Variants in PCDHGA11 observed in about 807,000 individuals in gnomAD.
PCDHGA11 encodes the protein protocadherin gamma-A11.
In PCDHGA11, 39 loss-of-function variants were observed where a neutral mutation model predicts 60.4. The observed-to-expected ratio is 0.65, with a 90% CI of 0.50 to 0.84. The LOEUF is 0.84. Among genes scored for constraint, PCDHGA11 ranks in the 40% least tolerant of loss-of-function variants. The pLI, the probability that PCDHGA11 is intolerant of heterozygous loss-of-function variation, is 0.00. For missense variants in PCDHGA11, 1,165 were observed against 1,197.7 expected, an observed-to-expected ratio of 0.97 and a Z score of 0.40; for synonymous variants, 533 against 510.3, an observed-to-expected ratio of 1.04 and a Z score of -0.60.
At chr5:141,445,213 A>C (rs775782586) in intron 1 of PCDHGA11, among the ~76,000 whole-genome samples, 1 of 152,226 alleles carries the variant, frequency 6.6e-6, no homozygotes, top group Non-Finnish European at 1.5e-5. Context: ...TTGAAAAGTA[A>C]GAGGTGCAAA....
chr5:141,432,235 T>C lies in PCDHGA11; in HGVS notation c.2433+8575T>C, dbSNP rs1240828849. 1 of 1,614,102 alleles carries C rather than the reference T, an allele frequency of 6.2e-7. No individual in the cohort carries two copies. The highest frequency in any genetic ancestry group is 8.5e-7 in the Non-Finnish European group (1 of 1,180,050). ...ACGCCCAGATCACTTATTCCCTGGC[T>C]GAGAACACCATCCAAGGGGCAAGCC... On this transcript the variant is annotated intron_variant, in intron 1 of 3. Transcript: ENST00000398587. The surrounding 1 kb of genome is among the most constrained non-coding windows in gnomAD (Gnocchi z 6.0).
chr5:141,473,925 T>C (rs1338065496), intron 1 of PCDHGA11, among the ~76,000 whole-genome samples: 1 of 152,124 alleles, frequency 6.6e-6, no homozygotes, highest in East Asian at 1.9e-4. Context: ...AACTATGAGC[T>C]GGGTGCAGTA....
intron 2 of PCDHGA11, among the ~76,000 whole-genome samples, chr5:141,500,259 A>G (rs1595658540): frequency 6.6e-6 from 1 of 151,044 alleles, no homozygotes; most frequent in East Asian, 2.0e-4. Context: ...CCCAGGCTGG[A>G]CTGCAGTGGC....
chr5:141,472,335 A>T (rs1033984936), intron 1 of PCDHGA11, among the ~76,000 whole-genome samples: 38 of 151,784 alleles, frequency 2.5e-4, no homozygotes, highest in Non-Finnish European at 2.5e-4. Context: ...AGGTTGGGAG[A>T]TCGAGACCAT....
intron 1 of PCDHGA11, chr5:141,428,021 C>T: frequency 1.2e-6 from 2 of 1,605,604 alleles, no homozygotes; most frequent in Non-Finnish European, 1.7e-6. Context: ...TGCCACGCGC[C>T]GCAGAGTCCG....
At position 141,432,950 on chromosome 5, in the gene PCDHGA11, G is replaced by T. The variant is rs750033444; in HGVS notation, c.2433+9290G>T. ...ACGCCTGCTGCAGGCTTCAGGAGGCGGCTTGACAGGAGCGCCGGCGTCGCA... is the reference window on the plus strand; with the variant it reads ...ACGCCTGCTGCAGGCTTCAGGAGGCTGCTTGACAGGAGCGCCGGCGTCGCA... On this transcript the variant is annotated intron_variant, in intron 1 of 3. Coordinates refer to ENST00000398587, the MANE Select transcript of PCDHGA11 (RefSeq NM_018914.3). This position sits in a 1 kb window ranked among gnomAD's most constrained non-coding sequence, Gnocchi z 6.0. 6 of 1,614,072 alleles carry T rather than the reference G, an allele frequency of 3.7e-6. No individual in the cohort carries two copies. Among genetic ancestry groups the T allele is most frequent in the Admixed American group, 1.7e-5 (1 of 60,010 alleles).
intron 1 of PCDHGA11, chr5:141,478,925 G>T: frequency 1.4e-6 from 1 of 700,562 alleles, no homozygotes; most frequent in Non-Finnish European, 2.2e-6. Context: ...TCTAACCAGT[G>T]GCAGCTTCTA....
Position 141,504,006 on chromosome 5 carries a change from G to C in PCDHGA11, c.2493-1387G>C, listed in dbSNP as rs138738950. Among the ~76,000 whole-genome samples, 1,431 of 152,182 alleles carry C rather than the reference G, an allele frequency of 9.4e-3. 31 individuals are homozygous for C. The highest frequency in any genetic ancestry group is 0.033 in the African/African-American group (1,367 of 41,490). On this transcript the variant is annotated intron_variant, in intron 2 of 3. Coordinates refer to ENST00000398587, the MANE Select transcript of PCDHGA11 (RefSeq NM_018914.3). The stretch of plus-strand genomic sequence containing the variant: ...CTTCTTACCTTACAGTCACTTAACT[G>C]TCTCTGCTGGTCTCTTCCCACTCAT...
Position 141,487,302 on chromosome 5 carries a change from C to T in PCDHGA11, c.2434-7505C>T, listed in dbSNP as rs763268817. 3.7e-6 allele frequency: 6 copies of T among 1,614,154 alleles called. No homozygotes were observed. The highest frequency in any genetic ancestry group is 3.4e-6 in the Non-Finnish European group (4 of 1,180,002). On this transcript the variant is annotated intron_variant, in intron 1 of 3. Transcript: ENST00000398587. This position sits in a 1 kb window ranked among gnomAD's most constrained non-coding sequence, Gnocchi z 5.0. ...TTTGTCTCCTTTGGCTCATTCGTGGCACTACTCTCTAAGTGTCTTCGTGGG... is the reference window on the plus strand; with the variant it reads ...TTTGTCTCCTTTGGCTCATTCGTGGTACTACTCTCTAAGTGTCTTCGTGGG...
At chr5:141,499,115 C>T (rs940275925) in intron 2 of PCDHGA11, among the ~76,000 whole-genome samples, 16 of 152,124 alleles carry the variant, frequency 1.1e-4, no homozygotes, top group African/African-American at 3.9e-4. Context: ...CACCACTATC[C>T]CTTCTCAGGT....
chr5:141,432,050 C>T lies in PCDHGA11; in HGVS notation c.2433+8390C>T. The stretch of plus-strand genomic sequence containing the variant: ...GACCGCCACTGACCGGGGAACCCCG[C>T]CCCTATCCACGGAAACTCATATCTC... On this transcript the variant is annotated intron_variant, in intron 1 of 3. Transcript: ENST00000398587. The surrounding 1 kb of genome is among the most constrained non-coding windows in gnomAD (Gnocchi z 6.0). The T allele has an allele frequency of 6.2e-7, 1 of 1,614,218 alleles. No individual in the cohort carries two copies. The highest frequency in any genetic ancestry group is 8.5e-7 in the Non-Finnish European group (1 of 1,180,044).
At position 141,485,789 on chromosome 5, in the gene PCDHGA11, T is replaced by G. The variant is rs1276069810; in HGVS notation, c.2434-9018T>G. The G allele has an allele frequency of 1.2e-6, 2 of 1,613,978 alleles. No individual in the cohort carries two copies. The highest frequency in any genetic ancestry group is 1.7e-6 in the Non-Finnish European group (2 of 1,180,030). On this transcript the variant is annotated intron_variant, in intron 1 of 3. Coordinates refer to ENST00000398587, the MANE Select transcript of PCDHGA11 (RefSeq NM_018914.3). This position sits in a 1 kb window ranked among gnomAD's most constrained non-coding sequence, Gnocchi z 5.7. ...GAAGCCTTTGGATCGAGAGAAGCAATCGGACTACCGCCTGGTGCTGACTGC... is the reference window on the plus strand; with the variant it reads ...GAAGCCTTTGGATCGAGAGAAGCAAGCGGACTACCGCCTGGTGCTGACTGC...
chr5:141,487,058 C>T lies in PCDHGA11; in HGVS notation c.2434-7749C>T, dbSNP rs775720601. 23 of 1,613,980 alleles carry T rather than the reference C, an allele frequency of 1.4e-5. No individual in the cohort carries two copies. The highest frequency in any genetic ancestry group is 1.0e-4 in the Admixed American group (6 of 59,996). ...AGTCTCTCGATATGCTGGGGAGGTGCGGACGGCTGTTCCTATCCCAGCTGA... is the reference window on the plus strand; with the variant it reads ...AGTCTCTCGATATGCTGGGGAGGTGTGGACGGCTGTTCCTATCCCAGCTGA... On this transcript the variant is annotated intron_variant, in intron 1 of 3. Transcript: ENST00000398587. The surrounding 1 kb of genome is among the most constrained non-coding windows in gnomAD (Gnocchi z 5.0).
chr5:141,467,129 T>G (rs2099137740), intron 1 of PCDHGA11, among the ~76,000 whole-genome samples: 1 of 151,826 alleles, frequency 6.6e-6, no homozygotes, highest in Non-Finnish European at 1.5e-5. Context: ...CTCAGCTCAC[T>G]GCAACCTCTG....
chr5:141,479,021 T>C (rs72790064), intron 1 of PCDHGA11, among the ~76,000 whole-genome samples: 1,892 of 152,352 alleles, frequency 0.012, 20 homozygotes, highest in Non-Finnish European at 0.018. Context: ...TAATTTTCCT[T>C]TGTTTATACA....
chr5:141,485,935 C>A lies in PCDHGA11; in HGVS notation c.2434-8872C>A. The stretch of plus-strand genomic sequence containing the variant: ...GCTACAGGATTAGTGTGTTGGAGAG[C>A]GCACCAGCGGGCATGGTGCTCATCC... On this transcript the variant is annotated intron_variant, in intron 1 of 3. Coordinates refer to ENST00000398587, the MANE Select transcript of PCDHGA11 (RefSeq NM_018914.3). This position sits in a 1 kb window ranked among gnomAD's most constrained non-coding sequence, Gnocchi z 5.7. The A allele has an allele frequency of 3.1e-6, 5 of 1,614,144 alleles. No homozygotes were observed. Among genetic ancestry groups the A allele is most frequent in the Non-Finnish European group, 3.4e-6 (4 of 1,180,030 alleles).
chr5:141,486,287 A>G lies in PCDHGA11; in HGVS notation c.2434-8520A>G, dbSNP rs1484787777. Reference sequence around the variant, plus strand: ...AGAACCTGGCACTGTGGTGGCACTTATCAGTGTGCAGGATCCAGACTCAGG... The same window carrying G: ...AGAACCTGGCACTGTGGTGGCACTTGTCAGTGTGCAGGATCCAGACTCAGG... On this transcript the variant is annotated intron_variant, in intron 1 of 3. Transcript: ENST00000398587. The surrounding 1 kb of genome is among the most constrained non-coding windows in gnomAD (Gnocchi z 5.0). 1 of 1,613,912 alleles carries G rather than the reference A, an allele frequency of 6.2e-7. No homozygotes were observed. The highest frequency in any genetic ancestry group is 8.5e-7 in the Non-Finnish European group (1 of 1,179,970).
intron 1 of PCDHGA11, chr5:141,441,986 C>G (rs2098288559): frequency 7.4e-6 from 2 of 269,216 alleles, no homozygotes; most frequent in Non-Finnish European, 1.5e-5. Flanking sequence ...GAATGCGCAC[C>G]GACGAGGTGC....
At position 141,490,108 on chromosome 5, in the gene PCDHGA11, C is replaced by T. The variant is rs566655929; in HGVS notation, c.2434-4699C>T. 1.4e-5 allele frequency: 22 copies of T among 1,614,244 alleles called. No individual in the cohort carries two copies. Among genetic ancestry groups the T allele is most frequent in the South Asian group, 5.5e-5 (5 of 91,090 alleles). The stretch of plus-strand genomic sequence containing the variant: ...TGGAGACCACACATCTGAGGCAGTG[C>T]GGAACCTCTTTGGCCTAGACCCTAG... On this transcript the variant is annotated intron_variant, in intron 1 of 3. Coordinates refer to ENST00000398587, the MANE Select transcript of PCDHGA11 (RefSeq NM_018914.3). This position sits in a 1 kb window ranked among gnomAD's most constrained non-coding sequence, Gnocchi z 5.4.
Sources: allele counts gnomAD v4.1 joint callset (sites outside exome capture counted in the v4.1 genomes callset), GRCh38; gene constraint gnomAD v4.1.1; non-coding constraint Gnocchi (gnomAD v3.1); transcripts MANE v1.5; gene names NCBI Gene and HGNC (gene_info 2026-07-23, HGNC 2026-07-21).